The following PC variants were observed in gnomAD, a reference collection of about 807,000 sequenced individuals.
PC encodes the protein pyruvate carboxylase, mitochondrial.
A neutral mutation model predicts 107.8 loss-of-function variants in PC; 46 were observed. The observed-to-expected ratio is 0.43, with a 90% confidence interval of 0.34 to 0.55. The LOEUF (loss-of-function observed/expected upper bound fraction) is 0.55. PC is among the 20% of genes least tolerant of loss of function. The pLI is 0.04. For missense variants in PC, 1,241 were observed against 1,643.1 expected (o/e 0.76, Z 4.23); for synonymous variants, 662 against 684.7 (o/e 0.97, Z 0.52).
At chr11:66,957,186 C>G (rs919936620) in intron 1 of PC, among the ~76,000 whole-genome samples, 3 of 152,148 alleles carry the variant, frequency 2.0e-5, no homozygotes, top group Admixed American at 2.0e-4. Flanking sequence ...GGTACGGGAG[C>G]AATAGGGAGG....
At chr11:66,917,952 C>T (rs1948501584) in intron 3 of PC, among the ~76,000 whole-genome samples, 1 of 152,118 alleles carries the variant, frequency 6.6e-6, no homozygotes. Flanking sequence ...AAACTGGAAG[C>T]TGGTTAGCTT....
At chr11:66,854,734 G>A (rs1295505421) in intron 12 of PC, among the ~76,000 whole-genome samples, 2 of 152,116 alleles carry the variant, frequency 1.3e-5, no homozygotes, top group Admixed American at 6.5e-5. Context: ...TGAGCTCTCC[G>A]TCTCTTAGGC....
chr11:66,855,008 C>T (rs1443683251), intron 12 of PC, among the ~76,000 whole-genome samples: 2 of 152,292 alleles, frequency 1.3e-5, no homozygotes, highest in Admixed American at 6.5e-5. Context: ...CTCACACCCT[C>T]GGCAGAGCTG....
intron 3 of PC, among the ~76,000 whole-genome samples, chr11:66,878,770 C>A (rs1376457163): frequency 1.3e-5 from 2 of 152,158 alleles, no homozygotes; most frequent in Non-Finnish European, 1.5e-5. Context: ...TGGCAGCATG[C>A]CAGGCAGATG....
intron 3 of PC, among the ~76,000 whole-genome samples, chr11:66,942,855 AG>A (rs1451346666): frequency 6.6e-6 from 1 of 151,848 alleles, no homozygotes; most frequent in East Asian, 1.9e-4. Flanking sequence ...TCTACTAAAA[AG>A]AAATACAAAA....
chr11:66,872,664 G>C (rs564857184), intron 3 of PC, among the ~76,000 whole-genome samples: 2 of 152,030 alleles, frequency 1.3e-5, no homozygotes, highest in South Asian at 4.1e-4. Context: ...GAACCCAGGA[G>C]GCAGAGCTTG....
At chr11:66,913,778 G>A (rs1336041135) in intron 3 of PC, among the ~76,000 whole-genome samples, 1 of 152,142 alleles carries the variant, frequency 6.6e-6, no homozygotes, top group African/African-American at 2.4e-5. Context: ...GGGATGGAGA[G>A]TACCCCAAAG....
At chr11:66,938,748 C>T (rs1265420599) in intron 3 of PC, among the ~76,000 whole-genome samples, 1 of 152,054 alleles carries the variant, frequency 6.6e-6, no homozygotes, top group Non-Finnish European at 1.5e-5. Context: ...AGCTCTCGTC[C>T]TATGGTAATA....
In PC at chr11:66,943,755, CAAAAAAAAAAAAAAAA is replaced by C. The variant is rs34245785; in HGVS notation, c.-1+8659_-1+8674del. Reference sequence around the variant, plus strand: ...TGGGCTATAGAGCAAGACTCCGGCTCAAAAAAAAAAAAAAAAAAAAAAAAAAAAAAGAAATTTCTCA... The same window carrying C: ...TGGGCTATAGAGCAAGACTCCGGCTCAAAAAAAAAAAAAAGAAATTTCTCA... On this transcript the variant is annotated intron_variant, in intron 3 of 22. Transcript: ENST00000393960. Among the ~76,000 whole-genome samples, 18 of 17,584 alleles carry C rather than the reference CAAAAAAAAAAAAAAAA, an allele frequency of 1.0e-3. 1 individual carries two copies. The South Asian group carries it at 0.049, about 47-fold the overall frequency. 11.5% of individuals were successfully genotyped at this position (17,584 alleles called of 152,430 possible). A position where few individuals can be genotyped will look rare whatever the true frequency, so the allele number is the denominator to read the frequency against.
At chr11:66,869,973 A>T (rs1946655507) in intron 9 of PC, among the ~76,000 whole-genome samples, 1 of 152,064 alleles carries the variant, frequency 6.6e-6, no homozygotes, top group Non-Finnish European at 1.5e-5. Context: ...ACGGAATCTC[A>T]TTCTCCTGAT....
At chr11:66,856,256 G>T (rs958561240) in intron 12 of PC, among the ~76,000 whole-genome samples, 1 of 152,262 alleles carries the variant, frequency 6.6e-6, no homozygotes, top group Non-Finnish European at 1.5e-5. Context: ...CTGCGAGGAC[G>T]CACAGCTTCC....
intron 3 of PC, among the ~76,000 whole-genome samples, chr11:66,930,923 T>C (rs569320865): frequency 2.2e-4 from 34 of 152,214 alleles, no homozygotes; most frequent in African/African-American, 8.2e-4. Flanking sequence ...TGCATCCACA[T>C]GGACGAATCA....
intron 12 of PC, chr11:66,860,168 C>G: frequency 1.3e-6 from 2 of 1,547,420 alleles, no homozygotes; most frequent in Non-Finnish European, 1.7e-6. Flanking sequence ...GAGGCAGCGC[C>G]GAGCGGCTGG....
intron 3 of PC, among the ~76,000 whole-genome samples, chr11:66,907,500 C>T (rs1360231294): frequency 6.6e-6 from 1 of 152,206 alleles, no homozygotes; most frequent in Non-Finnish European, 1.5e-5. Context: ...GCACTCCAGC[C>T]TGGATGACAA....
chr11:66,924,476 CA>C (rs1322913324), intron 3 of PC, among the ~76,000 whole-genome samples: 1 of 151,488 alleles, frequency 6.6e-6, no homozygotes, highest in East Asian at 1.9e-4. Context: ...GCTGACTTAG[CA>C]AAACAAATGG....
intron 1 of PC, among the ~76,000 whole-genome samples, chr11:66,957,545 G>A (rs969472446): frequency 8.5e-5 from 13 of 152,226 alleles, no homozygotes; most frequent in Non-Finnish European, 1.5e-4. Flanking sequence ...GAGCCCGGGA[G>A]GTCGAGACTG....
chr11:66,915,956 T>A (rs1948453341), intron 3 of PC, among the ~76,000 whole-genome samples: 1 of 152,200 alleles, frequency 6.6e-6, no homozygotes, highest in African/African-American at 2.4e-5. Flanking sequence ...CAGTCTTTCC[T>A]ACAACGCTCT....
chr11:66,907,182 G>A (rs1385256101), intron 3 of PC, among the ~76,000 whole-genome samples: 3 of 152,206 alleles, frequency 2.0e-5, no homozygotes, highest in Admixed American at 2.0e-4. Context: ...GGGTGTTCTG[G>A]CCCAGAGCTC....
intron 11 of PC, among the ~76,000 whole-genome samples, chr11:66,865,354 T>C (rs1176259010): frequency 6.6e-6 from 1 of 152,242 alleles, no homozygotes; most frequent in Non-Finnish European, 1.5e-5. Context: ...GCTCCATCAA[T>C]GTCTTGCCTC....
Sources: gnomAD v4.1 joint callset for allele counts (sites outside exome capture counted in the v4.1 genomes callset) on GRCh38, gnomAD v4.1.1 for gene constraint, MANE v1.5 for transcripts, NCBI Gene and HGNC (gene_info 2026-07-23, HGNC 2026-07-21) for gene names.